Variants in ABCA13 observed in about 807,000 individuals in gnomAD.
The protein encoded by ABCA13 is ATP binding cassette subfamily A member 13, also known as ATP-binding cassette sub-family A member 13.
ABCA13 carries 476 observed loss-of-function variants against 478.7 expected under a neutral mutation model. The ratio of observed to expected loss-of-function variants is 0.99; its 90% CI spans 0.92 to 1.07. The LOEUF (loss-of-function observed/expected upper bound fraction) is 1.07. Among genes scored for constraint, ABCA13 ranks in the 50% least tolerant of loss-of-function variants. The pLI, the probability that ABCA13 is intolerant of heterozygous loss-of-function variation, is 0.00. For missense variants in ABCA13, 6,060 were observed against 5,910.6 expected (o/e 1.03, Z -0.83); for synonymous variants, 2,252 against 2,158.9 (o/e 1.04, Z -1.20).
intron 42 of ABCA13, among the ~76,000 whole-genome samples, chr7:48,448,999 C>T (rs755240186): frequency 1.3e-5 from 2 of 151,956 alleles, no homozygotes; most frequent in Non-Finnish European, 2.9e-5. Context: ...CCCACAACCA[C>T]GCCCAGCTAA....
chr7:48,594,699 C>A lies in ABCA13; in HGVS notation c.14641-11C>A, dbSNP rs55974693. 0.095 allele frequency: 153,237 copies of A among 1,611,656 alleles called. 8,373 individuals carry two copies. Among genetic ancestry groups the A allele is most frequent in the East Asian group, 0.19 (8,302 of 44,842 alleles). On this transcript the variant is annotated splice_polypyrimidine_tract_variant and intron_variant, in intron 57 of 61. Coordinates refer to ENST00000435803, the MANE Select transcript of ABCA13 (RefSeq NM_152701.5). The stretch of plus-strand genomic sequence containing the variant: ...TCAAATGCTGATTACTCTGTGTTGC[C>A]TTTCCTTCAGGATGAGCCCAGCTCT...
intron 51 of ABCA13, among the ~76,000 whole-genome samples, chr7:48,516,448 A>C (rs752593674): frequency 6.6e-6 from 1 of 152,030 alleles, no homozygotes; most frequent in Non-Finnish European, 1.5e-5. Flanking sequence ...CCTTTGTTTT[A>C]CTAGATGGCC....
At chr7:48,233,819 G>T (rs908467375) in intron 7 of ABCA13, among the ~76,000 whole-genome samples, 199 bp from the exon 8 acceptor site, 2 of 152,196 alleles carry the variant, frequency 1.3e-5, no homozygotes, top group African/African-American at 4.8e-5. Flanking sequence ...TTGTGCCAGG[G>T]AGCATGGGAC....
intron 48 of ABCA13, among the ~76,000 whole-genome samples, chr7:48,491,346 GGGTAGAACAGAGGGAAGAGGAC>G (rs1279540901): frequency 1.3e-5 from 2 of 152,188 alleles, no homozygotes; most frequent in Non-Finnish European, 2.9e-5. Context: ...AGAAGGCTAT[GGGTAGAACAGAGGGAAGAGGAC>G]AAAGGTTCTG....
At chr7:48,598,750 A>G (rs573836264) in intron 58 of ABCA13, among the ~76,000 whole-genome samples, 40 of 152,036 alleles carry the variant, frequency 2.6e-4, no homozygotes, top group Non-Finnish European at 4.9e-4. Context: ...TCATCTAAGA[A>G]CTATTTGTTC....
chr7:48,413,181 T>A (rs953998483), intron 41 of ABCA13, among the ~76,000 whole-genome samples: 13 of 152,164 alleles, frequency 8.5e-5, no homozygotes, highest in Admixed American at 2.6e-4. Flanking sequence ...TAAACAGTTG[T>A]CAGTAGTGGT....
At chr7:48,325,355 C>T (rs978801258) in intron 27 of ABCA13, among the ~76,000 whole-genome samples, 2 of 152,180 alleles carry the variant, frequency 1.3e-5, no homozygotes, top group Non-Finnish European at 2.9e-5. Context: ...TTACATGAGG[C>T]ATCAAAGCAT....
chr7:48,272,228 T>C lies in ABCA13; in HGVS notation c.2562T>C (p.Phe854=). The C allele has an allele frequency of 3.1e-6, 5 of 1,612,142 alleles. No individual in the cohort carries two copies. Among genetic ancestry groups the C allele is most frequent in the Non-Finnish European group, 4.2e-6 (5 of 1,179,340 alleles). ...AAAGAGCTAAATTGGAAAACTTCTT[T>C]ACACTTTTAAATTTTTCTGTTCCAG... ...KGKRAKLENF[F]TLLNFSVPEN... Residue 854 remains phenylalanine (F), a synonymous_variant, in exon 17 of 62, where the codon TTT becomes TTC. Transcript: ENST00000435803.
intron 24 of ABCA13, among the ~76,000 whole-genome samples, chr7:48,310,679 G>A (rs1302150704): frequency 1.3e-5 from 2 of 152,094 alleles, no homozygotes; most frequent in Non-Finnish European, 2.9e-5. Flanking sequence ...TGTGTGTGCC[G>A]GCTCTGACAA....
At chr7:48,206,698 T>A (rs1409573321) in intron 3 of ABCA13, among the ~76,000 whole-genome samples, 2 of 152,166 alleles carry the variant, frequency 1.3e-5, no homozygotes, top group African/African-American at 4.8e-5. Context: ...CTGAGGTATG[T>A]GCAATATTTT....
rs1228294205 is a variant in ABCA13, at chr7:48,295,694, T to C, written c.8956-6T>C. 5.0e-6 allele frequency: 8 copies of C among 1,613,864 alleles called. No homozygotes were observed. Among genetic ancestry groups the C allele is most frequent in the African/African-American group, 1.3e-5 (1 of 74,934 alleles). On this transcript the variant is annotated splice_polypyrimidine_tract_variant and splice_region_variant and intron_variant, in intron 20 of 61. Transcript: ENST00000435803. The stretch of plus-strand genomic sequence containing the variant: ...TTCTAACCTATATCATTGCTATGTT[T>C]TCTAGGAAATTGAAAAGATATGGTC...
chr7:48,339,910 T>G (rs1182423300), intron 29 of ABCA13, among the ~76,000 whole-genome samples: 2 of 152,098 alleles, frequency 1.3e-5, no homozygotes, highest in Admixed American at 1.3e-4. Flanking sequence ...CAAATCTCCT[T>G]TTGTAACTAT....
chr7:48,372,694 C>T (rs1260216740), intron 33 of ABCA13, among the ~76,000 whole-genome samples, 197 bp downstream of exon 33: 3 of 152,136 alleles, frequency 2.0e-5, no homozygotes, highest in African/African-American at 7.2e-5. Context: ...GACAGCAGCC[C>T]ATTAAGAATG....
chr7:48,241,157 T>C, intron 10 of ABCA13, 91 bp downstream of exon 10: 2 of 1,401,278 alleles, frequency 1.4e-6, no homozygotes, highest in South Asian at 1.2e-5. Context: ...ACACATTCTG[T>C]AAAACTACAG....
At chr7:48,277,350 C>A (rs1400822439) in intron 17 of ABCA13, among the ~76,000 whole-genome samples, 2 of 152,184 alleles carry the variant, frequency 1.3e-5, no homozygotes, top group Non-Finnish European at 2.9e-5. Flanking sequence ...TATGAATACC[C>A]AGCAGTGGTT....
intron 58 of ABCA13, among the ~76,000 whole-genome samples, chr7:48,596,052 A>G (rs1254490614): frequency 6.6e-6 from 1 of 152,248 alleles, no homozygotes; most frequent in Non-Finnish European, 1.5e-5. Context: ...CAGCATTATT[A>G]GTTTACGTAA....
intron 40 of ABCA13, 84 bp downstream of exon 40, chr7:48,410,761 T>A (rs1818907309): frequency 6.5e-7 from 1 of 1,532,168 alleles, no homozygotes; most frequent in Admixed American, 1.9e-5. Context: ...TACATAGTAA[T>A]AACGTCTCAG....
At chr7:48,334,848 C>T (rs1303826813) in intron 27 of ABCA13, among the ~76,000 whole-genome samples, 5 of 152,184 alleles carry the variant, frequency 3.3e-5, no homozygotes, top group Admixed American at 6.5e-5. Context: ...TAGACATCTT[C>T]ATGGAAATAA....
At position 48,352,386 on chromosome 7, in the gene ABCA13, C is replaced by T. The variant is rs150067467; in HGVS notation, c.10587C>T (p.Asp3529=). 25 of 1,613,554 alleles carry T rather than the reference C, an allele frequency of 1.5e-5. No individual in the cohort carries two copies. The African/African-American group carries it at 2.8e-4, about 18-fold the overall frequency. ...KYNYVFAPLQ[D]MIERAIILVQ... Reference sequence around the variant, plus strand: ...ACTACGTCTTTGCCCCACTGCAAGACATGATCGAAAGAGCCATCATTTTGG... The same window carrying T: ...ACTACGTCTTTGCCCCACTGCAAGATATGATCGAAAGAGCCATCATTTTGG... The change falls in exon 31 of 62, where the codon GAC becomes GAT. Residue 3529 remains aspartate, a synonymous_variant. Transcript: ENST00000435803.
Sources: allele counts gnomAD v4.1 joint callset (sites outside exome capture counted in the v4.1 genomes callset), GRCh38; gene constraint gnomAD v4.1.1; transcripts MANE v1.5; gene names NCBI Gene and HGNC (gene_info 2026-07-23, HGNC 2026-07-21).